Variants in MBD5 observed in about 807,000 individuals in gnomAD.
MBD5 encodes methyl-CpG binding domain protein 5.
MBD5 carries 13 observed loss-of-function variants against 117.3 expected under a neutral mutation model. The ratio of observed to expected loss-of-function variants is 0.11; its 90% CI spans 0.07 to 0.18. MBD5 has a LOEUF of 0.18. Among genes scored for constraint, MBD5 ranks in the 10% least tolerant of loss-of-function variants. MBD5 has a pLI of 1.00. For synonymous variants in MBD5, 727 were observed against 766.4 expected, an observed-to-expected ratio of 0.95 and a Z score of 0.85; for missense variants, 1,879 against 2,093.8, an observed-to-expected ratio of 0.90 and a Z score of 2.00.
At chr2:148,382,670 C>T (rs1323273480) in intron 4 of MBD5, among the ~76,000 whole-genome samples, 1 of 152,164 alleles carries the variant, frequency 6.6e-6, no homozygotes, top group Non-Finnish European at 1.5e-5. Flanking sequence ...CAGTACAACA[C>T]CACACCTATT....
At chr2:148,150,416 C>T (rs1204875067) in intron 1 of MBD5, among the ~76,000 whole-genome samples, 5 of 151,770 alleles carry the variant, frequency 3.3e-5, no homozygotes, top group Non-Finnish European at 5.9e-5. Context: ...ATTGACTTGG[C>T]GATGCAGGCT....
intron 2 of MBD5, among the ~76,000 whole-genome samples, chr2:148,222,271 A>G (rs1459807892): frequency 2.0e-5 from 3 of 152,006 alleles, no homozygotes; most frequent in Non-Finnish European, 4.4e-5. Flanking sequence ...TAAATTTTAC[A>G]AAATTTATGT....
At chr2:148,122,816 T>C (rs1211402515) in intron 1 of MBD5, among the ~76,000 whole-genome samples, 1 of 152,222 alleles carries the variant, frequency 6.6e-6, no homozygotes, top group Non-Finnish European at 1.5e-5. Context: ...ATAGCCTTTG[T>C]AAACTGTGAA....
At chr2:148,353,127 G>C (rs1390855879) in intron 4 of MBD5, among the ~76,000 whole-genome samples, 1 of 151,996 alleles carries the variant, frequency 6.6e-6, no homozygotes, top group East Asian at 1.9e-4. Context: ...GTAAAAAAGG[G>C]CACTGAGGGT....
intron 1 of MBD5, among the ~76,000 whole-genome samples, chr2:148,169,034 T>C (rs1698195688): frequency 6.6e-6 from 1 of 150,812 alleles, no homozygotes; most frequent in African/African-American, 2.4e-5. Context: ...TCTATAACAC[T>C]GCGCAGAGGA....
chr2:148,466,564 G>T (rs1437741071), intron 7 of MBD5, among the ~76,000 whole-genome samples: 2 of 152,220 alleles, frequency 1.3e-5, no homozygotes, highest in East Asian at 3.9e-4. Context: ...ATAGGATAAT[G>T]CTAATGACGT....
intron 3 of MBD5, among the ~76,000 whole-genome samples, chr2:148,323,982 C>T (rs537258450): frequency 1.1e-4 from 16 of 152,228 alleles, no homozygotes; most frequent in Middle Eastern, 3.4e-3. Context: ...TTAGGTCTAA[C>T]GTTTAAGTCT....
At chr2:148,364,256 C>T (rs545030755) in intron 4 of MBD5, among the ~76,000 whole-genome samples, 2 of 152,136 alleles carry the variant, frequency 1.3e-5, no homozygotes, top group African/African-American at 4.8e-5. Flanking sequence ...GCTTCATAAG[C>T]GAAGGATAAA....
intron 3 of MBD5, among the ~76,000 whole-genome samples, chr2:148,307,198 A>G (rs1701914097): frequency 6.6e-6 from 1 of 152,118 alleles, no homozygotes; most frequent in Non-Finnish European, 1.5e-5. Flanking sequence ...TAAAAAAGAA[A>G]CCTTAGGTCT....
At chr2:148,302,867 G>A (rs906496952) in intron 3 of MBD5, among the ~76,000 whole-genome samples, 1 of 151,072 alleles carries the variant, frequency 6.6e-6, no homozygotes, top group Non-Finnish European at 1.5e-5. Flanking sequence ...TTGAAAGCAC[G>A]GTTGCTTTCA....
At chr2:148,222,772 CTT>C (rs1415338394) in intron 2 of MBD5, among the ~76,000 whole-genome samples, 5 of 151,908 alleles carry the variant, frequency 3.3e-5, no homozygotes, top group Non-Finnish European at 7.4e-5. Context: ...ATTTCTTTCT[CTT>C]GTCTGGTTTT....
rs747171718 is a variant in MBD5 at position 148,516,401 on chromosome 2, G to C, written c.*3460G>C. 6.6e-6 allele frequency: 1 copy of C among 152,188 alleles called. No individual in the cohort carries two copies. Among genetic ancestry groups the C allele is most frequent in the Non-Finnish European group, 1.5e-5 (1 of 68,008 alleles). The allele number at this position is 152,188 out of a possible 1,614,324, so 9.4% of individuals were successfully genotyped here. On this transcript the variant is annotated 3_prime_UTR_variant, in exon 14 of 14. Coordinates refer to ENST00000642680, the MANE Select transcript of MBD5 (RefSeq NM_001378120.1). ...TTATTTACTTTGCCCATTTATGCCC[G>C]AATGGTGTAATGCAAGACTCAAGAC...
chr2:148,029,900 T>G (rs1693992332), intron 1 of MBD5, among the ~76,000 whole-genome samples: 1 of 152,180 alleles, frequency 6.6e-6, no homozygotes, highest in Non-Finnish European at 1.5e-5. Context: ...AAAATCATAT[T>G]AAATCTAATG....
rs375489061 is a variant in MBD5 at position 148,385,660 on chromosome 2, C to T, written c.-557+43324C>T. On this transcript the variant is annotated intron_variant, in intron 4 of 13. Coordinates refer to ENST00000642680, the MANE Select transcript of MBD5 (RefSeq NM_001378120.1). ...ATGCTGCTATAAAGACACATGCACA[C>T]GTATGTTTATTGCGGCACTATTCAC... is the stretch of plus-strand genomic sequence containing the variant. Among the ~76,000 whole-genome samples the T allele has an allele frequency of 7.0e-4, 107 of 151,812 alleles. 2 individuals carry two copies. The East Asian group carries it at 0.016, about 23-fold the overall frequency.
chr2:148,439,515 A>T (rs1210082151), intron 4 of MBD5, among the ~76,000 whole-genome samples: 1 of 152,146 alleles, frequency 6.6e-6, no homozygotes, highest in African/African-American at 2.4e-5. Context: ...CTCAGTTTTG[A>T]AAACAAGATA....
chr2:148,256,415 C>G (rs1700591974), intron 3 of MBD5, among the ~76,000 whole-genome samples: 2 of 152,214 alleles, frequency 1.3e-5, no homozygotes, highest in South Asian at 4.1e-4. Flanking sequence ...AAACGGTTAC[C>G]TGTTTCTGAT....
intron 1 of MBD5, among the ~76,000 whole-genome samples, chr2:148,067,988 G>A: frequency 6.6e-6 from 1 of 152,144 alleles, no homozygotes. Flanking sequence ...ATCTGAACTG[G>A]TAGCACTACA....
At chr2:148,267,573 C>T (rs1307533738) in intron 3 of MBD5, among the ~76,000 whole-genome samples, 1 of 152,092 alleles carries the variant, frequency 6.6e-6, no homozygotes, top group Non-Finnish European at 1.5e-5. Context: ...CATCTCCATT[C>T]CTTCCCCTTG....
At chr2:148,064,202 TG>T (rs1359304956) in intron 1 of MBD5, among the ~76,000 whole-genome samples, 14 of 145,904 alleles carry the variant, frequency 9.6e-5, no homozygotes, top group Non-Finnish European at 1.5e-4. Flanking sequence ...CTCAGCTCAC[TG>T]CAAGCTCCGC....
Sources: gnomAD v4.1 joint callset for allele counts (sites outside exome capture counted in the v4.1 genomes callset) on GRCh38, gnomAD v4.1.1 for gene constraint, MANE v1.5 for transcripts, NCBI Gene and HGNC (gene_info 2026-07-23, HGNC 2026-07-21) for gene names.